The following NMBR variants were observed in gnomAD, a reference collection of about 807,000 sequenced individuals.
NMBR encodes the protein neuromedin B receptor, also known as neuromedin-B receptor.
NMBR carries 16 observed loss-of-function variants against 20.5 expected under a neutral mutation model. The observed-to-expected ratio is 0.78, with a 90% CI of 0.53 to 1.19. The LOEUF is 1.19. Among genes scored for constraint, NMBR ranks in the 50% most tolerant of loss-of-function variants. The probability of loss-of-function intolerance (pLI) is 0.00; values close to 1 mark genes in which losing one functional copy is unlikely to be tolerated. For synonymous variants in NMBR, 212 were observed against 196.6 expected (o/e 1.08, Z -0.65); for missense variants, 582 against 499.1 (o/e 1.17, Z -1.58).
chr6:142,087,652 C>G (rs1307600696), intron 2 of NMBR, among the ~76,000 whole-genome samples: 6 of 152,140 alleles, frequency 3.9e-5, no homozygotes, highest in African/African-American at 1.4e-4. Flanking sequence ...CTCTTAGCTT[C>G]AGGTATTAAA....
At chr6:142,124,034 A>T (rs1777990835) in intron 1 of NMBR, among the ~76,000 whole-genome samples, 1 of 151,996 alleles carries the variant, frequency 6.6e-6, no homozygotes, top group South Asian at 2.1e-4. Flanking sequence ...AGAGAGGATC[A>T]GTTACCTTCG....
At chr6:142,122,907 T>C (rs934432872) in intron 1 of NMBR, among the ~76,000 whole-genome samples, 2 of 151,902 alleles carry the variant, frequency 1.3e-5, no homozygotes, top group African/African-American at 4.8e-5. Flanking sequence ...GGTATAGAGG[T>C]ACAAAGAGAT....
chr6:142,143,923 T>C (rs1356477959), intron 1 of NMBR, among the ~76,000 whole-genome samples: 1 of 152,236 alleles, frequency 6.6e-6, no homozygotes, highest in Non-Finnish European at 1.5e-5. Context: ...GAAATATGTT[T>C]GCTCGTATAT....
rs1238008461 is a variant in NMBR, at chr6:142,078,583, C to G, written c.743G>C (p.Gly248Ala). 8 of 1,604,426 alleles carry G rather than the reference C, an allele frequency of 5.0e-6. No individual in the cohort carries two copies. Among genetic ancestry groups the G allele is most frequent in the Non-Finnish European group, 6.8e-6 (8 of 1,175,232 alleles). The change falls in exon 3 of 4, where the codon GGA becomes GCA. Residue 248 changes from glycine (G) to alanine (A), a missense_variant. Transcript: ENST00000258042. ...TLIKSAHNLPGEYNEHTKKQM... is the reference protein window; with the variant it reads ...TLIKSAHNLPAEYNEHTKKQM... ...TTTTTTGGTATGTTCATTGTATTCT[C>G]CAGGAAGATTGTGTGCGCTTTTAAT... is the stretch of plus-strand genomic sequence containing the variant.
At chr6:142,141,150 C>T (rs1778355204) in intron 1 of NMBR, among the ~76,000 whole-genome samples, 1 of 152,126 alleles carries the variant, frequency 6.6e-6, no homozygotes. Flanking sequence ...GTGTGTGTAA[C>T]ATTCACCAAA....
intron 1 of NMBR, among the ~76,000 whole-genome samples, chr6:142,114,134 A>T (rs1246799220): frequency 2.0e-5 from 3 of 152,072 alleles, no homozygotes; most frequent in Non-Finnish European, 2.9e-5. Flanking sequence ...GACTGATATG[A>T]ATTTGGCCCA....
chr6:142,134,924 C>A (rs1778223572), intron 1 of NMBR: 2 of 549,234 alleles, frequency 3.6e-6, no homozygotes, highest in Admixed American at 3.5e-5. Context: ...AGACAATGAC[C>A]AAATAATTAC....
At chr6:142,126,261 C>CTCTCTCTCTCTGTGTGTG (rs763551613) in intron 1 of NMBR, among the ~76,000 whole-genome samples, 102 of 149,280 alleles carry the variant, frequency 6.8e-4, no homozygotes, top group African/African-American at 2.5e-3. Context: ...CTCTCTCTCT[C>CTCTCTCTCTCTGTGTGTG]TGTGTGTGTG....
intron 1 of NMBR, among the ~76,000 whole-genome samples, chr6:142,144,308 A>T (rs1384387553): frequency 6.6e-6 from 1 of 152,236 alleles, no homozygotes; most frequent in African/African-American, 2.4e-5. Flanking sequence ...ACATTGACTG[A>T]TGCCCTGTCA....
At chr6:142,124,989 C>T (rs1193556634) in intron 1 of NMBR, among the ~76,000 whole-genome samples, 1 of 151,886 alleles carries the variant, frequency 6.6e-6, no homozygotes, top group African/African-American at 2.4e-5. Context: ...ACCCTTTCTA[C>T]TAAGCCATCC....
chr6:142,075,974 G>A lies in NMBR; in HGVS notation c.847C>T (p.His283Tyr), dbSNP rs756496997. The A allele has an allele frequency of 6.2e-7, 1 of 1,612,778 alleles. No homozygotes were observed. The highest frequency in any genetic ancestry group is 1.1e-5 in the South Asian group (1 of 90,802). ...GCFIFCWFPN[H>Y]ILYMYRSFNY... is the part of the protein sequence containing the mutation. ...AAAGACCGATACATGTAAAGGATGT[G>A]GTTTGGAAACCAACAGAAGATGAAA... Residue 283 changes from histidine (H) to tyrosine (Y), a missense_variant, in exon 4 of 4, where the codon CAC becomes TAC. Transcript: ENST00000258042.
At chr6:142,138,736 T>C (rs1219418963) in intron 1 of NMBR, among the ~76,000 whole-genome samples, 2 of 152,180 alleles carry the variant, frequency 1.3e-5, no homozygotes, top group Admixed American at 1.3e-4. Context: ...ATTTTCATTA[T>C]GGGTCCTATT....
intron 1 of NMBR, among the ~76,000 whole-genome samples, chr6:142,093,660 A>G (rs997118544): frequency 1.6e-4 from 24 of 152,292 alleles, no homozygotes; most frequent in Admixed American, 1.2e-3. Context: ...TCCTTTGGGT[A>G]TATACCCAGT....
intron 1 of NMBR, among the ~76,000 whole-genome samples, chr6:142,130,661 C>T (rs891514793): frequency 1.3e-4 from 20 of 152,018 alleles, no homozygotes; most frequent in African/African-American, 4.3e-4. Context: ...GCTTAAAAGG[C>T]CAGATATTGG....
intron 1 of NMBR, among the ~76,000 whole-genome samples, chr6:142,125,625 T>C (rs1024149523): frequency 6.6e-6 from 1 of 151,834 alleles, no homozygotes; most frequent in Admixed American, 6.6e-5. Context: ...ATGCTCAACA[T>C]TTATTCAAAA....
intron 1 of NMBR, among the ~76,000 whole-genome samples, chr6:142,119,286 C>T (rs539089904): frequency 6.6e-6 from 1 of 151,980 alleles, no homozygotes; most frequent in Non-Finnish European, 1.5e-5. Context: ...TCAGAGCATT[C>T]ACCACACCAG....
At position 142,110,151 on chromosome 6, in the gene NMBR, A is replaced by AAAAAC. The variant is rs373457542; in HGVS notation, c.-663-20835_-663-20831dup. On this transcript the variant is annotated intron_variant, in intron 1 of 3. Transcript: ENST00000258042. The stretch of plus-strand genomic sequence containing the variant: ...AATTTAAAGTGGTGTAGCCGCTTTG[A>AAAAAC]AAAACAGTCTGGCCATTCCTCATAA... 2.5e-3 allele frequency among the ~76,000 whole-genome samples: 378 copies of AAAAAC among 152,342 alleles called. 1 individual carries two copies. Among genetic ancestry groups the AAAAAC allele is most frequent in the African/African-American group, 8.7e-3 (361 of 41,572 alleles).
At chr6:142,085,993 A>G (rs1777190836) in intron 2 of NMBR, among the ~76,000 whole-genome samples, 1 of 150,486 alleles carries the variant, frequency 6.6e-6, no homozygotes, top group Admixed American at 6.6e-5. Flanking sequence ...TTTCACTGTA[A>G]TAAATCTAAT....
At chr6:142,097,190 T>A (rs1029453732) in intron 1 of NMBR, among the ~76,000 whole-genome samples, 1 of 152,116 alleles carries the variant, frequency 6.6e-6, no homozygotes, top group Non-Finnish European at 1.5e-5. Flanking sequence ...TTAATATTGT[T>A]ATGTGTGAAT....
Sources: gnomAD v4.1 joint callset for allele counts (sites outside exome capture counted in the v4.1 genomes callset) on GRCh38, gnomAD v4.1.1 for gene constraint, MANE v1.5 for transcripts, NCBI Gene and HGNC (gene_info 2026-07-23, HGNC 2026-07-21) for gene names.